Variants in ROBO1 observed in about 807,000 individuals in gnomAD.
ROBO1 encodes the protein roundabout homolog 1.
A neutral mutation model predicts 195.9 loss-of-function variants in ROBO1; 149 were observed. That is an observed-to-expected ratio of 0.76 (90% CI 0.67 to 0.87). The LOEUF (loss-of-function observed/expected upper bound fraction) is 0.87, where lower values mean the gene tolerates loss of function less well. ROBO1 is among the 40% of genes least tolerant of loss of function. The probability of loss-of-function intolerance (pLI) is 0.00; values close to 1 mark genes in which losing one functional copy is unlikely to be tolerated. For missense variants in ROBO1, 1,933 were observed against 2,068.3 expected, an observed-to-expected ratio of 0.93 and a Z score of 1.27; for synonymous variants, 816 against 733.2, an observed-to-expected ratio of 1.11 and a Z score of -1.82.
chr3:78,874,094 T>C (rs974685192), intron 4 of ROBO1, among the ~76,000 whole-genome samples: 1 of 151,958 alleles, frequency 6.6e-6, no homozygotes, highest in African/African-American at 2.4e-5. Flanking sequence ...GATTTTTCCA[T>C]CTTGCATTTT....
Position 79,449,668 on chromosome 3 carries a change from T to C in ROBO1, c.88+140156A>G, listed in dbSNP as rs897822156. Among the ~76,000 whole-genome samples the C allele has an allele frequency of 4.2e-4, 64 of 152,310 alleles. 1 individual carries two copies. Among genetic ancestry groups the C allele is most frequent in the African/African-American group, 1.5e-3 (62 of 41,594 alleles). On this transcript the variant is annotated intron_variant, in intron 2 of 30. Coordinates refer to ENST00000464233, the MANE Select transcript of ROBO1 (RefSeq NM_002941.4). ...ATCTACTTAAAATATTTGAGTTTTTTTTCTGGAAGGAGTCAATAAAAGGAA... is the reference window on the plus strand; with the variant it reads ...ATCTACTTAAAATATTTGAGTTTTTCTTCTGGAAGGAGTCAATAAAAGGAA...
intron 2 of ROBO1, among the ~76,000 whole-genome samples, chr3:79,328,324 G>A (rs1331813688): frequency 6.6e-6 from 1 of 152,052 alleles, no homozygotes; most frequent in Non-Finnish European, 1.5e-5. Context: ...AATAATATAT[G>A]AAGAGGACAG....
intron 2 of ROBO1, among the ~76,000 whole-genome samples, chr3:79,576,591 G>A (rs1056199676): frequency 6.6e-5 from 10 of 151,886 alleles, no homozygotes; most frequent in Non-Finnish European, 1.2e-4. Context: ...CATTTCACAC[G>A]GCTGGTAGAA....
intron 8 of ROBO1, among the ~76,000 whole-genome samples, chr3:78,708,709 T>C (rs1336168169): frequency 6.6e-6 from 1 of 152,164 alleles, no homozygotes; most frequent in Non-Finnish European, 1.5e-5. Flanking sequence ...GCAGGGTGCC[T>C]CTATGCATCT....
chr3:78,688,601 A>T (rs191209446), intron 9 of ROBO1, 47 bp downstream of exon 9: 1 of 1,510,010 alleles, frequency 6.6e-7, no homozygotes. Context: ...ACATCTTGGC[A>T]ACCATCTTTG....
intron 3 of ROBO1, among the ~76,000 whole-genome samples, chr3:79,062,750 C>T (rs965652595): frequency 2.0e-5 from 3 of 152,050 alleles, no homozygotes; most frequent in African/African-American, 7.2e-5. Flanking sequence ...CAAAACACCA[C>T]ATGTTCTCAC....
At chr3:79,621,423 T>G (rs531142539) in intron 1 of ROBO1, among the ~76,000 whole-genome samples, 1 of 152,296 alleles carries the variant, frequency 6.6e-6, no homozygotes, top group East Asian at 1.9e-4. Context: ...GGTGGTCTCT[T>G]CACATGGACG....
chr3:79,535,075 A>C (rs80293724), intron 2 of ROBO1, among the ~76,000 whole-genome samples: 1 of 28,096 alleles, frequency 3.6e-5, no homozygotes, highest in Non-Finnish European at 9.0e-5. Flanking sequence ...CAAATGCCTT[A>C]TTTTTTTTTA....
intron 4 of ROBO1, among the ~76,000 whole-genome samples, chr3:78,860,176 T>TAGAC (rs2034723753): frequency 6.6e-6 from 1 of 150,386 alleles, no homozygotes; most frequent in Non-Finnish European, 1.5e-5. Flanking sequence ...GATAGATAGA[T>TAGAC]AGATAGATGA....
intron 3 of ROBO1, among the ~76,000 whole-genome samples, chr3:78,967,922 C>T (rs528276253): frequency 1.3e-5 from 2 of 152,288 alleles, no homozygotes; most frequent in African/African-American, 4.8e-5. Context: ...CTGAGGTTTA[C>T]TTGCTCTCAT....
chr3:79,419,911 T>C (rs1387507218), intron 2 of ROBO1, among the ~76,000 whole-genome samples: 4 of 152,094 alleles, frequency 2.6e-5, no homozygotes, highest in Non-Finnish European at 5.9e-5. Context: ...AAGGTATGTA[T>C]ACATAAGGTA....
chr3:79,019,073 G>C, intron 3 of ROBO1: 1 of 989,752 alleles, frequency 1.0e-6, no homozygotes, highest in Non-Finnish European at 1.2e-6. Context: ...CGGCGACAGC[G>C]GCTGCCTGGG....
chr3:79,502,922 G>A (rs138372109), intron 2 of ROBO1, among the ~76,000 whole-genome samples: 42 of 152,048 alleles, frequency 2.8e-4, no homozygotes, highest in African/African-American at 8.7e-4. Context: ...CTGTGAAAAC[G>A]GACCAATCAG....
chr3:79,351,473 G>T (rs2035339395), intron 2 of ROBO1, among the ~76,000 whole-genome samples: 1 of 152,046 alleles, frequency 6.6e-6, no homozygotes, highest in African/African-American at 2.4e-5. Context: ...GATTAGCAAA[G>T]TCATTTTTTT....
chr3:79,476,527 G>A (rs748423166), intron 2 of ROBO1, among the ~76,000 whole-genome samples: 4 of 151,954 alleles, frequency 2.6e-5, no homozygotes, highest in Non-Finnish European at 4.4e-5. Flanking sequence ...ATCAATCAAC[G>A]AGTGGATAAA....
intron 4 of ROBO1, among the ~76,000 whole-genome samples, chr3:78,853,257 G>C (rs1042197858): frequency 6.6e-6 from 1 of 151,548 alleles, no homozygotes; most frequent in Non-Finnish European, 1.5e-5. Context: ...AAAGGAGGAG[G>C]TAAGTTAAGC....
At chr3:78,738,900 A>G (rs2082456894) in intron 5 of ROBO1, among the ~76,000 whole-genome samples, 1 of 152,332 alleles carries the variant, frequency 6.6e-6, no homozygotes, top group East Asian at 1.9e-4. Context: ...AGCTTTGATG[A>G]AAATAAATAT....
intron 2 of ROBO1, among the ~76,000 whole-genome samples, chr3:79,524,962 G>T (rs78146842): frequency 0.11 from 16,331 of 151,758 alleles, 982 homozygotes; most frequent in East Asian, 0.17. Context: ...CATATATATA[G>T]AGAGAGAAAC....
intron 3 of ROBO1, among the ~76,000 whole-genome samples, chr3:78,992,457 C>T (rs2077260872): frequency 6.6e-6 from 1 of 152,102 alleles, no homozygotes; most frequent in Non-Finnish European, 1.5e-5. Flanking sequence ...AACAATTTTG[C>T]CTAAACAAGG....
Sources: allele counts gnomAD v4.1 joint callset (sites outside exome capture counted in the v4.1 genomes callset), GRCh38; gene constraint gnomAD v4.1.1; transcripts MANE v1.5; gene names NCBI Gene and HGNC (gene_info 2026-07-23, HGNC 2026-07-21).